SEMA3C: variants seen among roughly 807,000 people sequenced by gnomAD.
SEMA3C encodes semaphorin 3C.
SEMA3C carries 47 observed loss-of-function variants against 89.4 expected under a neutral mutation model. The observed-to-expected ratio is 0.53, with a 90% confidence interval of 0.42 to 0.67. The LOEUF is 0.67. SEMA3C is among the 30% of genes least tolerant of loss of function. SEMA3C has a pLI of 0.00. For missense variants in SEMA3C, 839 were observed against 929.1 expected (o/e 0.90, Z 1.26); for synonymous variants, 310 against 320.2 (o/e 0.97, Z 0.34).
At chr7:80,911,790 T>C (rs965499195) in intron 2 of SEMA3C, among the ~76,000 whole-genome samples, 2 of 151,956 alleles carry the variant, frequency 1.3e-5, no homozygotes, top group Non-Finnish European at 2.9e-5. Flanking sequence ...GCCACCACCA[T>C]GCCTGGCTAA....
chr7:80,900,336 A>G (rs961321252), intron 2 of SEMA3C, among the ~76,000 whole-genome samples: 3 of 152,062 alleles, frequency 2.0e-5, no homozygotes, highest in South Asian at 2.1e-4. Flanking sequence ...GATGGTCTCA[A>G]TCTCCTGACC....
At chr7:80,807,845 A>C (rs779976728) in intron 6 of SEMA3C, among the ~76,000 whole-genome samples, 1 of 152,210 alleles carries the variant, frequency 6.6e-6, no homozygotes, top group African/African-American at 2.4e-5. Context: ...AAGTACTATT[A>C]CATGGTTAAG....
At chr7:80,908,669 C>T (rs1290581870) in intron 2 of SEMA3C, among the ~76,000 whole-genome samples, 1 of 152,122 alleles carries the variant, frequency 6.6e-6, no homozygotes, top group African/African-American at 2.4e-5. Flanking sequence ...GGATGGATTA[C>T]TTCCTTTTTG....
chr7:80,796,166 C>T (rs1013081810), intron 11 of SEMA3C, among the ~76,000 whole-genome samples: 2 of 152,142 alleles, frequency 1.3e-5, no homozygotes, highest in Non-Finnish European at 2.9e-5. Flanking sequence ...TCACAACCAC[C>T]TCTTAATTTT....
At chr7:80,804,067 C>T in intron 8 of SEMA3C, 39 bp downstream of exon 8, 1 of 1,533,700 alleles carries the variant, frequency 6.5e-7, no homozygotes, top group Non-Finnish European at 8.8e-7. Context: ...ATTTGAATTT[C>T]TTGGTCTTTC....
chr7:80,883,650 G>A (rs947073486), intron 2 of SEMA3C, among the ~76,000 whole-genome samples: 7 of 152,154 alleles, frequency 4.6e-5, no homozygotes, highest in African/African-American at 1.7e-4. Context: ...CATGCTTCTT[G>A]CTGTTCCTTC....
Position 80,758,429 on chromosome 7 carries a change from G to A in SEMA3C, c.1545C>T (p.His515=), listed in dbSNP as rs1457313558. 1 of 1,614,088 alleles carries A rather than the reference G, an allele frequency of 6.2e-7. No individual in the cohort carries two copies. ...GVSQVSLHRC[H]IYGTACADCC... The stretch of plus-strand genomic sequence containing the variant: ...AGTCAGCACAGGCTGTACCATAGAT[G>A]TGGCAGCGGTGCAGAGATACCTGGG... The change falls in exon 15 of 18, where the codon CAC becomes CAT. Residue 515 remains histidine (H), a synonymous_variant. Coordinates refer to ENST00000265361, the MANE Select transcript of SEMA3C (RefSeq NM_006379.5).
intron 15 of SEMA3C, among the ~76,000 whole-genome samples, chr7:80,753,393 C>T (rs945037312): frequency 1.3e-5 from 2 of 152,208 alleles, no homozygotes; most frequent in Non-Finnish European, 2.9e-5. Flanking sequence ...GCAATATCAT[C>T]CACAATGGCT....
At chr7:80,920,121 C>T (rs1029904932), upstream of SEMA3C, among the ~76,000 whole-genome samples, 4 of 152,172 alleles carry the variant, frequency 2.6e-5, no homozygotes, top group Non-Finnish European at 5.9e-5. Flanking sequence ...AACCACACAT[C>T]TACAGAAATA....
At chr7:80,917,552 A>C in intron 1 of SEMA3C, among the ~76,000 whole-genome samples, 1 of 152,230 alleles carries the variant, frequency 6.6e-6, no homozygotes, top group East Asian at 1.9e-4. Flanking sequence ...AAAATTCCCA[A>C]AGATAAATCA....
chr7:80,910,813 A>AT (rs1349878841), intron 2 of SEMA3C, among the ~76,000 whole-genome samples: 1 of 150,960 alleles, frequency 6.6e-6, no homozygotes, highest in Non-Finnish European at 1.5e-5. Context: ...TCTCGGTGCC[A>AT]TTTTTTTAAT....
At chr7:80,865,307 C>T (rs1790899393) in intron 2 of SEMA3C, among the ~76,000 whole-genome samples, 2 of 152,016 alleles carry the variant, frequency 1.3e-5, no homozygotes, top group Admixed American at 1.3e-4. Context: ...ATTAAATATA[C>T]AATTAGACTT....
intron 2 of SEMA3C, among the ~76,000 whole-genome samples, chr7:80,889,107 C>G (rs547868790): frequency 1.3e-5 from 2 of 152,328 alleles, no homozygotes; most frequent in East Asian, 3.9e-4. Context: ...AGGTGATCCA[C>G]CCACTTCAGC....
At chr7:80,881,429 C>T (rs1234247881) in intron 2 of SEMA3C, among the ~76,000 whole-genome samples, 1 of 152,136 alleles carries the variant, frequency 6.6e-6, no homozygotes, top group Non-Finnish European at 1.5e-5. Flanking sequence ...CATAGCAACA[C>T]TAGTTTCTAA....
chr7:80,845,005 T>G (rs1010372299), intron 2 of SEMA3C, among the ~76,000 whole-genome samples: 25 of 152,150 alleles, frequency 1.6e-4, no homozygotes, highest in African/African-American at 5.6e-4. Context: ...ATTTTCCAAA[T>G]GAAAGCAGAA....
intron 12 of SEMA3C, among the ~76,000 whole-genome samples, chr7:80,768,387 G>A (rs1001709588): frequency 7.9e-5 from 12 of 152,090 alleles, no homozygotes; most frequent in Admixed American, 3.3e-4. Flanking sequence ...GCTGGCAGGC[G>A]CCTGTAGTCC....
chr7:80,881,441 A>C (rs1441313740), intron 2 of SEMA3C, among the ~76,000 whole-genome samples: 4 of 152,170 alleles, frequency 2.6e-5, no homozygotes, highest in African/African-American at 7.2e-5. Context: ...AGTTTCTAAG[A>C]AAACAGAATT....
intron 12 of SEMA3C, among the ~76,000 whole-genome samples, chr7:80,768,711 G>A (rs753100121): frequency 3.3e-5 from 5 of 152,116 alleles, no homozygotes; most frequent in Non-Finnish European, 7.4e-5. Context: ...ATTAGCAGTG[G>A]AAACTTCTAG....
chr7:80,794,068 C>T (rs1789005899), intron 11 of SEMA3C, among the ~76,000 whole-genome samples: 1 of 151,972 alleles, frequency 6.6e-6, no homozygotes, highest in African/African-American at 2.4e-5. Flanking sequence ...TTAGCTGACC[C>T]TCATCTTCCT....
Sources: allele counts gnomAD v4.1 joint callset (sites outside exome capture counted in the v4.1 genomes callset), GRCh38; gene constraint gnomAD v4.1.1; transcripts MANE v1.5; gene names NCBI Gene and HGNC (gene_info 2026-07-23, HGNC 2026-07-21).